Variants in PLAA observed in about 807,000 individuals in gnomAD.
PLAA encodes phospholipase A2 activating protein.
In PLAA, 48 loss-of-function variants were observed where a neutral mutation model predicts 84.1. The observed-to-expected ratio is 0.57, with a 90% CI of 0.45 to 0.73. The LOEUF (loss-of-function observed/expected upper bound fraction) is 0.73. Ranked by LOEUF, PLAA falls within the 30% of genes least tolerant of loss-of-function variation. The pLI, the probability that PLAA is intolerant of heterozygous loss-of-function variation, is 0.00. For synonymous variants in PLAA, 392 were observed against 336.6 expected, an observed-to-expected ratio of 1.16 and a Z score of -1.80; for missense variants, 903 against 954.7, an observed-to-expected ratio of 0.95 and a Z score of 0.71.
chr9:26,912,308 T>C (rs987034132), intron 11 of PLAA, among the ~76,000 whole-genome samples: 1 of 152,120 alleles, frequency 6.6e-6, no homozygotes, highest in Non-Finnish European at 1.5e-5. Context: ...GAAAATACTA[T>C]TACATGCTCA....
intron 9 of PLAA, among the ~76,000 whole-genome samples, chr9:26,917,922 C>T (rs1824616681): frequency 1.3e-5 from 2 of 152,298 alleles, no homozygotes; most frequent in Admixed American, 6.5e-5. Context: ...TGCTTTAATT[C>T]CTTTCCTGTA....
intron 6 of PLAA, among the ~76,000 whole-genome samples, chr9:26,925,449 T>G (rs1010562400): frequency 1.3e-5 from 2 of 152,236 alleles, no homozygotes; most frequent in Admixed American, 1.3e-4. Flanking sequence ...CTCTTAGCTT[T>G]GACAAAAATT....
intron 1 of PLAA, among the ~76,000 whole-genome samples, chr9:26,938,037 A>T (rs552149092): frequency 6.6e-6 from 1 of 152,326 alleles, no homozygotes; most frequent in East Asian, 1.9e-4. Flanking sequence ...GAATATAAAC[A>T]TCCAAAGAAA....
chr9:26,945,461 G>A (rs2131435982), intron 1 of PLAA, among the ~76,000 whole-genome samples: 1 of 152,310 alleles, frequency 6.6e-6, no homozygotes, highest in Admixed American at 6.5e-5. Flanking sequence ...TTTAGAGTTA[G>A]ATCTTTAGAG....
chr9:26,913,016 A>G (rs1824445287), intron 11 of PLAA, among the ~76,000 whole-genome samples: 1 of 152,202 alleles, frequency 6.6e-6, no homozygotes, highest in African/African-American at 2.4e-5. Context: ...TGAGCCCAGG[A>G]GTTTGAGCCC....
rs910050991 is a variant in PLAA, at chr9:26,938,331, C to A, written c.150-3125G>T. On this transcript the variant is annotated intron_variant, in intron 1 of 13. Transcript: ENST00000397292. ...GAGGCTGCAGAGTGCTGCGACCACA[C>A]TCAAGAACAGCCACTGCATTCCAGC... Among the ~76,000 whole-genome samples, 62 of 152,080 alleles carry A rather than the reference C, an allele frequency of 4.1e-4. 2 individuals are homozygous for A. The highest frequency in any genetic ancestry group is 1.5e-3 in the African/African-American group (62 of 41,402).
chr9:26,947,229 G>A lies in PLAA; in HGVS notation c.-184C>T. ...AAGGGGCGCGCCGAGCGGGCCGAGT[G>A]ACACAGCAAGCCTGACAGGCACTCC... On this transcript the variant is annotated 5_prime_UTR_variant, in exon 1 of 14. Coordinates refer to ENST00000397292, the MANE Select transcript of PLAA (RefSeq NM_001031689.3). The A allele has an allele frequency of 1.6e-6, 1 of 628,622 alleles. No homozygotes were observed. The highest frequency in any genetic ancestry group is 2.6e-6 in the Non-Finnish European group (1 of 381,600). The allele number at this position is 628,622 out of a possible 1,614,324, so 38.9% of individuals were successfully genotyped here.
chr9:26,913,846 TA>T (rs753192225), intron 11 of PLAA, 32 bp downstream of exon 11: 64 of 1,461,900 alleles, frequency 4.4e-5, no homozygotes, highest in Non-Finnish European at 4.7e-5. Flanking sequence ...TTTTAAAATC[TA>T]AAAAAAAGAA....
At chr9:26,934,354 G>A (rs1405152770) in intron 2 of PLAA, among the ~76,000 whole-genome samples, 2 of 151,764 alleles carry the variant, frequency 1.3e-5, no homozygotes, top group African/African-American at 4.8e-5. Context: ...ACACTGCTCT[G>A]GGTCTTCAAT....
intron 2 of PLAA, among the ~76,000 whole-genome samples, chr9:26,933,543 A>C (rs545874680): frequency 1.1e-4 from 16 of 152,056 alleles, no homozygotes; most frequent in Middle Eastern, 6.8e-3. Context: ...AATCCCAGCA[A>C]TATGGAAGGC....
At chr9:26,913,709 G>A (rs944243888) in intron 11 of PLAA, among the ~76,000 whole-genome samples, 170 bp downstream of exon 11, 1 of 152,058 alleles carries the variant, frequency 6.6e-6, no homozygotes, top group African/African-American at 2.4e-5. Context: ...CTAAAATGTA[G>A]TAATCAGACA....
At chr9:26,925,321 A>G (rs16910893) in intron 6 of PLAA, among the ~76,000 whole-genome samples, 1,885 of 152,366 alleles carry the variant, frequency 0.012, 34 homozygotes, top group African/African-American at 0.043. Context: ...CTGGCATGAA[A>G]GCACTAAAGG....
rs1190408687 is a variant in PLAA, at chr9:26,947,233, C to T, written c.-188G>A. 2 of 614,626 alleles carry T rather than the reference C, an allele frequency of 3.3e-6. No homozygotes were observed. The highest frequency in any genetic ancestry group is 5.4e-6 in the Non-Finnish European group (2 of 370,338). 38.1% of individuals were successfully genotyped at this position (614,626 alleles called of 1,614,324 possible). A position where few individuals can be genotyped will look rare whatever the true frequency, so the allele number is the denominator to read the frequency against. ...GGCGCGCCGAGCGGGCCGAGTGACA[C>T]AGCAAGCCTGACAGGCACTCCGGAA... On this transcript the variant is annotated 5_prime_UTR_variant, in exon 1 of 14. In the 5' UTR this introduces an upstream ATG that the reference lacks. Transcript: ENST00000397292.
chr9:26,944,075 G>C (rs994372004), intron 1 of PLAA, among the ~76,000 whole-genome samples: 1 of 152,204 alleles, frequency 6.6e-6, no homozygotes, highest in African/African-American at 2.4e-5. Context: ...GAGGTGATTA[G>C]ATCAAGAGGG....
intron 6 of PLAA, among the ~76,000 whole-genome samples, chr9:26,924,780 G>C (rs988053323): frequency 2.8e-4 from 42 of 152,024 alleles, no homozygotes; most frequent in African/African-American, 1.0e-3. Context: ...TTAGTTCTTA[G>C]TCTTCTGTTC....
Position 26,906,096 on chromosome 9 carries a change from A to T in PLAA, c.1823-20T>A. 1.4e-6 allele frequency: 2 copies of T among 1,391,910 alleles called. No individual in the cohort carries two copies. The highest frequency in any genetic ancestry group is 1.9e-6 in the Non-Finnish European group (2 of 1,056,696). The allele number at this position is 1,391,910 out of a possible 1,614,324, so 86.2% of individuals were successfully genotyped here. A position where few individuals can be genotyped will look rare whatever the true frequency, so the allele number is the denominator to read the frequency against. On this transcript the variant is annotated intron_variant, in intron 13 of 13. Coordinates refer to ENST00000397292, the MANE Select transcript of PLAA (RefSeq NM_001031689.3). ...CAATATCTATTAAAAAAAAAAAGTC[A>T]TTAATGCTTATGAAAATAAAGAAAA... is the stretch of plus-strand genomic sequence containing the variant.
chr9:26,927,471 G>A (rs1825013807), intron 4 of PLAA, among the ~76,000 whole-genome samples: 1 of 151,954 alleles, frequency 6.6e-6, no homozygotes, highest in African/African-American at 2.4e-5. Context: ...ATTATCTAGG[G>A]TAGTTACCAA....
At chr9:26,926,978 T>C (rs1320953816) in intron 4 of PLAA, among the ~76,000 whole-genome samples, 1 of 151,976 alleles carries the variant, frequency 6.6e-6, no homozygotes, top group Non-Finnish European at 1.5e-5. Flanking sequence ...TGAAGTCAGA[T>C]TTCCTATGTT....
At position 26,928,116 on chromosome 9, in the gene PLAA, A is replaced by C; in HGVS notation, c.549T>G (p.Cys183Trp). 1 of 1,613,966 alleles carries C rather than the reference A, an allele frequency of 6.2e-7. No homozygotes were observed. Among genetic ancestry groups the C allele is most frequent in the South Asian group, 1.1e-5 (1 of 91,028 alleles). Residue 183 changes from cysteine (C) to tryptophan (W), a missense_variant, in exon 4 of 14, where the codon TGT becomes TGG. Transcript: ENST00000397292. ...KTVKLWKAGR[C>W]ERTFSGHEDC... is the part of the protein sequence containing the mutation. ...TGATCTTACCTGAAAAAGTCCTCTC[A>C]CATCTTCCAGCCTTCCACAGTTTAA...
Sources: gnomAD v4.1 joint callset for allele counts (sites outside exome capture counted in the v4.1 genomes callset) on GRCh38, gnomAD v4.1.1 for gene constraint, MANE v1.5 for transcripts, NCBI Gene and HGNC (gene_info 2026-07-23, HGNC 2026-07-21) for gene names.